The following NOXRED1 variants were observed in gnomAD, a reference collection of about 807,000 sequenced individuals.
NOXRED1 encodes NADP dependent oxidoreductase domain containing 1, also known as NADP-dependent oxidoreductase domain-containing protein 1.
A neutral mutation model predicts 30.4 loss-of-function variants in NOXRED1; 20 were observed. The ratio of observed to expected loss-of-function variants is 0.66; its 90% CI spans 0.46 to 0.96. The LOEUF (loss-of-function observed/expected upper bound fraction) is 0.96, where lower values mean the gene tolerates loss of function less well. Among genes scored for constraint, NOXRED1 ranks in the 40% least tolerant of loss-of-function variants. NOXRED1 has a pLI of 0.00. For missense variants in NOXRED1, 374 were observed against 428.0 expected (o/e 0.87, Z 1.11); for synonymous variants, 155 against 168.0 (o/e 0.92, Z 0.60).
intron 3 of NOXRED1, among the ~76,000 whole-genome samples, 167 bp downstream of exon 3, chr14:77,407,298 G>A (rs1026825637): frequency 6.6e-6 from 1 of 152,190 alleles, no homozygotes; most frequent in Non-Finnish European, 1.5e-5. Flanking sequence ...GGGAAGTTAC[G>A]AGAAAGATTG....
intron 2 of NOXRED1, among the ~76,000 whole-genome samples, chr14:77,412,825 C>A (rs550276306): frequency 1.3e-5 from 2 of 151,114 alleles, no homozygotes; most frequent in African/African-American, 4.9e-5. Flanking sequence ...AAATGTTAAA[C>A]GATACGAGAA....
intron 1 of NOXRED1, among the ~76,000 whole-genome samples, chr14:77,419,231 C>T (rs1894918601): frequency 6.6e-6 from 1 of 151,650 alleles, no homozygotes; most frequent in Non-Finnish European, 1.5e-5. Flanking sequence ...TGCCACCATG[C>T]CCAGCTAATT....
At chr14:77,422,124 A>T (rs1382866815) in intron 1 of NOXRED1, among the ~76,000 whole-genome samples, 1 of 152,214 alleles carries the variant, frequency 6.6e-6, no homozygotes, top group Non-Finnish European at 1.5e-5. Flanking sequence ...TGAGGAGGTG[A>T]CATATGCTCC....
intron 5 of NOXRED1, among the ~76,000 whole-genome samples, chr14:77,395,109 CTTT>C (rs35389923): frequency 7.3e-6 from 1 of 137,628 alleles, no homozygotes; most frequent in Non-Finnish European, 1.5e-5. Flanking sequence ...TTTTTTCTTT[CTTT>C]TTTTTTTTTT....
intron 5 of NOXRED1, among the ~76,000 whole-genome samples, 165 bp downstream of exon 5, chr14:77,405,748 G>T (rs1042322078): frequency 6.6e-6 from 1 of 152,160 alleles, no homozygotes; most frequent in Non-Finnish European, 1.5e-5. Context: ...ATGGGATTTG[G>T]AAGGCAAAGG....
In NOXRED1 at chr14:77,406,001, C is replaced by T. The variant is rs772826843; in HGVS notation, c.817G>A (p.Asp273Asn). 6.2e-7 allele frequency: 1 copy of T among 1,613,862 alleles called. No individual in the cohort carries two copies. The highest frequency in any genetic ancestry group is 8.5e-7 in the Non-Finnish European group (1 of 1,179,834). Reference protein sequence around the residue: ...SELFLSVHFEDCGKDTASCPK... With the variant: ...SELFLSVHFENCGKDTASCPK... ...CAAGATGCTGTGTCTTTCCCACAGT[C>T]TTCAAAGTGCACGGAGAGAAAGAGT... Residue 273 changes from aspartate (D) to asparagine (N), a missense_variant, in exon 5 of 6, where the codon GAC becomes AAC. Transcript: ENST00000380835.
chr14:77,425,420 G>A (rs1895099289), upstream of NOXRED1, among the ~76,000 whole-genome samples: 1 of 152,218 alleles, frequency 6.6e-6, no homozygotes, highest in African/African-American at 2.4e-5. Flanking sequence ...TATATGCCTA[G>A]TGGTTCTGCT....
At chr14:77,406,924 T>G in intron 3 of NOXRED1, 49 bp from the exon 4 acceptor site, 1 of 1,545,936 alleles carries the variant, frequency 6.5e-7, no homozygotes, top group Non-Finnish European at 8.8e-7. Flanking sequence ...CTGGAATAAA[T>G]GACGACATAA....
upstream of NOXRED1, among the ~76,000 whole-genome samples, chr14:77,424,616 G>A (rs962803562): frequency 5.3e-5 from 8 of 152,142 alleles, no homozygotes; most frequent in Admixed American, 2.6e-4. Context: ...TTCCTGCTCC[G>A]AAGGAAAAAG....
At chr14:77,406,465 C>T in intron 4 of NOXRED1, 4 of 596,960 alleles carry the variant, frequency 6.7e-6, no homozygotes, top group Non-Finnish European at 1.2e-5. Flanking sequence ...CCATTTTAGT[C>T]CAACATTACA....
At chr14:77,410,808 G>A (rs1417789261) in intron 2 of NOXRED1, among the ~76,000 whole-genome samples, 1 of 152,068 alleles carries the variant, frequency 6.6e-6, no homozygotes, top group Non-Finnish European at 1.5e-5. Context: ...ATATTAAAAT[G>A]GTGATGTTAA....
At chr14:77,401,585 A>G (rs1894328969) in intron 5 of NOXRED1, among the ~76,000 whole-genome samples, 1 of 152,152 alleles carries the variant, frequency 6.6e-6, no homozygotes, top group South Asian at 2.1e-4. Flanking sequence ...GTAGTTCTGT[A>G]GTTCTAGCTA....
chr14:77,414,587 T>C (rs1685761782), intron 1 of NOXRED1, among the ~76,000 whole-genome samples: 2 of 152,228 alleles, frequency 1.3e-5, no homozygotes, highest in African/African-American at 2.4e-5. Context: ...GTGTCATTTA[T>C]CCAGCCTCAC....
chr14:77,407,399 A>T, intron 3 of NOXRED1, 66 bp downstream of exon 3: 1 of 1,171,154 alleles, frequency 8.5e-7, no homozygotes, highest in Non-Finnish European at 1.3e-6. Context: ...TGGAGGTGGG[A>T]GGCAGAAGTC....
chr14:77,415,616 AGATAGAT>A (rs1386520205), intron 1 of NOXRED1, among the ~76,000 whole-genome samples: 2 of 148,142 alleles, frequency 1.4e-5, no homozygotes, highest in African/African-American at 4.9e-5. Flanking sequence ...ATAGATAGAT[AGATAGAT>A]AGATAGATAG....
At chr14:77,396,430 A>G (rs557740430) in intron 5 of NOXRED1, among the ~76,000 whole-genome samples, 6 of 151,870 alleles carry the variant, frequency 4.0e-5, no homozygotes, top group Admixed American at 1.3e-4. Context: ...TGTATTTTTA[A>G]TAGAGATGGG....
chr14:77,422,756 C>T lies in NOXRED1; in HGVS notation c.134G>A (p.Cys45Tyr). ...TTACCTCAAATTATATAATAGTTTG[C>T]AGAAGAAGGTTGCATGGGCACAAGC... ...IEACAHATFF[C>Y]KLLYNLRASL... Residue 45 changes from cysteine to tyrosine, a missense_variant, in exon 1 of 6, where the codon TGC becomes TAC. Cys to Tyr is a radical substitution (Grantham distance 194, BLOSUM62 -2). Transcript: ENST00000380835. 6.2e-7 allele frequency: 1 copy of T among 1,614,120 alleles called. No individual in the cohort carries two copies.
At chr14:77,402,624 A>G (rs1894358156) in intron 5 of NOXRED1, among the ~76,000 whole-genome samples, 1 of 151,842 alleles carries the variant, frequency 6.6e-6, no homozygotes, top group East Asian at 1.9e-4. Flanking sequence ...ACAAGAGCAA[A>G]CCTCCGTCTC....
At position 77,397,036 on chromosome 14, in the gene NOXRED1, C is replaced by T. The variant is rs117870784; in HGVS notation, c.906-2231G>A. 8.8e-3 allele frequency among the ~76,000 whole-genome samples: 1,339 copies of T among 152,314 alleles called. 19 individuals are homozygous for T. Among genetic ancestry groups the T allele is most frequent in the South Asian group, 0.037 (178 of 4,818 alleles). On this transcript the variant is annotated intron_variant, in intron 5 of 5. Coordinates refer to ENST00000380835, the MANE Select transcript of NOXRED1 (RefSeq NM_001113475.3). ...TGCAACTACCAAATGACAATAATTA[C>T]ACTCCTGGTCATTCATTCCAGGTAA...
Sources: gnomAD v4.1 joint callset for allele counts (sites outside exome capture counted in the v4.1 genomes callset) on GRCh38, gnomAD v4.1.1 for gene constraint, MANE v1.5 for transcripts, NCBI Gene and HGNC (gene_info 2026-07-23, HGNC 2026-07-21) for gene names.